PSTPIP2: variants seen among roughly 807,000 people sequenced by gnomAD.
The protein encoded by PSTPIP2 is proline-serine-threonine phosphatase-interacting protein 2.
A neutral mutation model predicts 63.3 loss-of-function variants in PSTPIP2; 33 were observed. The observed-to-expected ratio is 0.52, with a 90% CI of 0.40 to 0.70. PSTPIP2 has a LOEUF of 0.70. Ranked by LOEUF, PSTPIP2 falls within the 30% of genes least tolerant of loss-of-function variation. The pLI, the probability that PSTPIP2 is intolerant of heterozygous loss-of-function variation, is 0.00. For synonymous variants in PSTPIP2, 125 were observed against 132.7 expected, an observed-to-expected ratio of 0.94 and a Z score of 0.40; for missense variants, 312 against 400.7, an observed-to-expected ratio of 0.78 and a Z score of 1.89.
intron 1 of PSTPIP2, among the ~76,000 whole-genome samples, chr18:46,043,860 G>A (rs1293349011): frequency 3.3e-5 from 5 of 151,750 alleles, no homozygotes; most frequent in African/African-American, 9.7e-5. Flanking sequence ...TGGAAAAAAA[G>A]GAAAGAAAAA....
chr18:45,995,113 GTTTTA>G (rs1555686661), intron 9 of PSTPIP2, among the ~76,000 whole-genome samples: 2 of 151,936 alleles, frequency 1.3e-5, no homozygotes, highest in Non-Finnish European at 2.9e-5. Flanking sequence ...GTTTTGGGGG[GTTTTA>G]TTTTGTTTTG....
chr18:46,006,053 T>C (rs952601792), intron 5 of PSTPIP2, among the ~76,000 whole-genome samples: 1 of 152,140 alleles, frequency 6.6e-6, no homozygotes, highest in Non-Finnish European at 1.5e-5. Flanking sequence ...TACTCTTTTA[T>C]TCCATTTTTT....
chr18:46,070,927 A>G (rs1909371065), intron 1 of PSTPIP2, among the ~76,000 whole-genome samples: 1 of 152,016 alleles, frequency 6.6e-6, no homozygotes, highest in Admixed American at 6.6e-5. Flanking sequence ...TCCAGTTTGT[A>G]TTATACAGAG....
intron 1 of PSTPIP2, among the ~76,000 whole-genome samples, chr18:46,066,322 G>T (rs1909188885): frequency 6.6e-6 from 1 of 152,098 alleles, no homozygotes; most frequent in Non-Finnish European, 1.5e-5. Flanking sequence ...GCAAGACCCT[G>T]TCTCAAAAAT....
intron 5 of PSTPIP2, among the ~76,000 whole-genome samples, chr18:46,009,911 G>C (rs1222429049): frequency 6.6e-6 from 1 of 152,172 alleles, no homozygotes; most frequent in African/African-American, 2.4e-5. Flanking sequence ...CTGAAAAAAG[G>C]CTTCAGGTCA....
At chr18:45,988,566 G>C in intron 14 of PSTPIP2, 136 bp downstream of exon 14, 1 of 698,368 alleles carries the variant, frequency 1.4e-6, no homozygotes, top group Non-Finnish European at 2.5e-6. Flanking sequence ...TGAAGGGACA[G>C]CATGCTGGCC....
chr18:46,021,848 CAAAAAAAAAAAAAA>C (rs59094808), intron 3 of PSTPIP2, among the ~76,000 whole-genome samples: 5 of 33,312 alleles, frequency 1.5e-4, no homozygotes, highest in Admixed American at 4.2e-4. Context: ...GACTCTGTCT[CAAAAAAAAAAAAAA>C]AAAAAAAAAA....
At chr18:45,998,049 C>G (rs1447627095) in intron 8 of PSTPIP2, among the ~76,000 whole-genome samples, 1 of 151,870 alleles carries the variant, frequency 6.6e-6, no homozygotes, top group Non-Finnish European at 1.5e-5. Flanking sequence ...AAACATTGGA[C>G]CTAACATTGA....
At chr18:46,065,909 C>T (rs563628967) in intron 1 of PSTPIP2, among the ~76,000 whole-genome samples, 13 of 151,446 alleles carry the variant, frequency 8.6e-5, no homozygotes, top group East Asian at 1.9e-4. Flanking sequence ...GCCAAAGTTA[C>T]GATATTTTAA....
intron 2 of PSTPIP2, among the ~76,000 whole-genome samples, chr18:46,026,647 G>A (rs969247683): frequency 2.6e-5 from 4 of 152,068 alleles, no homozygotes; most frequent in Non-Finnish European, 4.4e-5. Flanking sequence ...AGGCCAAGAC[G>A]GGAGTATTGC....
At position 46,047,175 on chromosome 18, in the gene PSTPIP2, T is replaced by C. The variant is rs550676862; in HGVS notation, c.34-7128A>G. 7.4e-4 allele frequency among the ~76,000 whole-genome samples: 113 copies of C among 152,374 alleles called. 1 individual carries two copies. In the Middle Eastern group the frequency reaches 0.02, roughly 28 times the overall value. On this transcript the variant is annotated intron_variant, in intron 1 of 14. Coordinates refer to ENST00000409746, the MANE Select transcript of PSTPIP2 (RefSeq NM_024430.4). Reference sequence around the variant, plus strand: ...GACTATGAAGTTCATGTTACCTCCCTATGCTGTCAACCTTGATCTTTCTTT... The same window carrying C: ...GACTATGAAGTTCATGTTACCTCCCCATGCTGTCAACCTTGATCTTTCTTT...
intron 1 of PSTPIP2, among the ~76,000 whole-genome samples, chr18:46,043,318 G>C (rs1381076942): frequency 1.3e-5 from 2 of 151,088 alleles, no homozygotes. Context: ...TTGAGCCTGG[G>C]AGATCGAGGC....
chr18:46,015,884 T>TA lies in PSTPIP2; in HGVS notation c.247+18dup, dbSNP rs11349070. The stretch of plus-strand genomic sequence containing the variant: ...TGTCAAGGGCAGTGAATACATTTTT[T>TA]AAAAAAAAAATCACTTACGCTGCTT... On this transcript the variant is annotated intron_variant, in intron 4 of 14. Transcript: ENST00000409746. The TA allele has an allele frequency of 2.3e-4, 357 of 1,547,200 alleles. No individual in the cohort carries two copies. The highest frequency in any genetic ancestry group is 6.9e-4 in the Middle Eastern group (4 of 5,826).
At chr18:46,006,115 A>G (rs1414112677) in intron 5 of PSTPIP2, among the ~76,000 whole-genome samples, 3 of 151,494 alleles carry the variant, frequency 2.0e-5, no homozygotes, top group Non-Finnish European at 4.4e-5. Context: ...GTGCAGTGGC[A>G]TGATCTCAGC....
At chr18:46,034,644 C>T (rs1319433187) in intron 2 of PSTPIP2, among the ~76,000 whole-genome samples, 1 of 152,198 alleles carries the variant, frequency 6.6e-6, no homozygotes, top group Admixed American at 6.5e-5. Flanking sequence ...GTACCAGCTA[C>T]TGTACTGGGC....
intron 1 of PSTPIP2, among the ~76,000 whole-genome samples, chr18:46,057,214 C>G (rs1194784469): frequency 6.6e-6 from 1 of 152,192 alleles, no homozygotes; most frequent in East Asian, 1.9e-4. Context: ...GCAGAGACCC[C>G]TCCCTCCCTC....
At chr18:46,067,057 G>T (rs1482399310) in intron 1 of PSTPIP2, among the ~76,000 whole-genome samples, 1 of 149,404 alleles carries the variant, frequency 6.7e-6, no homozygotes, top group Non-Finnish European at 1.5e-5. Flanking sequence ...GGTTTTTGAC[G>T]ATTATTTTAA....
In PSTPIP2 at chr18:45,983,794, T is replaced by C. The variant is rs973909472; in HGVS notation, c.*1665A>G. Reference sequence around the variant, plus strand: ...TCAGTTTCTCAAAAGGATATCCAACTGATGCAAGTTTCCTGTCATGACAAG... The same window carrying C: ...TCAGTTTCTCAAAAGGATATCCAACCGATGCAAGTTTCCTGTCATGACAAG... On this transcript the variant is annotated 3_prime_UTR_variant, in exon 15 of 15. Transcript: ENST00000409746. 1 of 152,206 alleles carries C rather than the reference T, an allele frequency of 6.6e-6. No homozygotes were observed. Among genetic ancestry groups the C allele is most frequent in the African/African-American group, 2.4e-5 (1 of 41,454 alleles). The allele number at this position is 152,206 out of a possible 1,614,324, so 9.4% of individuals were successfully genotyped here.
intron 3 of PSTPIP2, among the ~76,000 whole-genome samples, chr18:46,018,560 G>C (rs2051877473): frequency 6.6e-6 from 1 of 152,060 alleles, no homozygotes; most frequent in South Asian, 2.1e-4. Context: ...GTAGAGACAG[G>C]GTTTTTCCAT....
Sources: gnomAD v4.1 joint callset for allele counts (sites outside exome capture counted in the v4.1 genomes callset) on GRCh38, gnomAD v4.1.1 for gene constraint, MANE v1.5 for transcripts, NCBI Gene and HGNC (gene_info 2026-07-23, HGNC 2026-07-21) for gene names.